RBFOX1: variants seen among roughly 807,000 people sequenced by gnomAD.
The protein encoded by RBFOX1 is RNA binding fox-1 homolog 1.
In RBFOX1, 8 loss-of-function variants were observed where a neutral mutation model predicts 57.7. The ratio of observed to expected loss-of-function variants is 0.14; its 90% CI spans 0.08 to 0.25. RBFOX1 has a LOEUF of 0.25. Ranked by LOEUF, RBFOX1 falls within the 10% of genes least tolerant of loss-of-function variation. RBFOX1 has a pLI of 1.00. For missense variants in RBFOX1, 611 were observed against 548.5 expected (o/e 1.11, Z -1.14); for synonymous variants, 326 against 222.4 (o/e 1.47, Z -4.15).
At chr16:7,328,410 G>C (rs1204785271) in intron 4 of RBFOX1, among the ~76,000 whole-genome samples, 1 of 148,332 alleles carries the variant, frequency 6.7e-6, no homozygotes, top group East Asian at 2.0e-4. Flanking sequence ...AATTCGGGTG[G>C]CAGAGGTTGC....
chr16:7,009,896 G>A (rs953393198), intron 3 of RBFOX1, among the ~76,000 whole-genome samples: 1 of 152,166 alleles, frequency 6.6e-6, no homozygotes. Flanking sequence ...CCGTTTAGCT[G>A]TGAACAAGTT....
chr16:6,891,291 G>T (rs1243068503), intron 3 of RBFOX1, among the ~76,000 whole-genome samples: 1 of 152,170 alleles, frequency 6.6e-6, no homozygotes, highest in African/African-American at 2.4e-5. Context: ...ACTTAGCAAG[G>T]TGGCAGTATT....
intron 3 of RBFOX1, among the ~76,000 whole-genome samples, chr16:6,888,498 G>C (rs1298804819): frequency 6.6e-6 from 1 of 151,998 alleles, no homozygotes; most frequent in Non-Finnish European, 1.5e-5. Context: ...AAATTCCCTT[G>C]CAATTGCACT....
chr16:7,141,014 C>T (rs931793510), intron 4 of RBFOX1, among the ~76,000 whole-genome samples: 1 of 152,150 alleles, frequency 6.6e-6, no homozygotes, highest in African/African-American at 2.4e-5. Flanking sequence ...AATGAAGCCT[C>T]CTCCAGCTTT....
At chr16:7,428,613 C>T (rs1296267760) in intron 4 of RBFOX1, among the ~76,000 whole-genome samples, 1 of 150,826 alleles carries the variant, frequency 6.6e-6, no homozygotes, top group Non-Finnish European at 1.5e-5. Flanking sequence ...TCAGGTGATC[C>T]ACCTGCCTTG....
chr16:6,850,013 A>T (rs1446244803), intron 3 of RBFOX1, among the ~76,000 whole-genome samples: 1 of 152,226 alleles, frequency 6.6e-6, no homozygotes, highest in Admixed American at 6.5e-5. Flanking sequence ...GTGACAAGTG[A>T]CATCTTTTTT....
chr16:5,468,618 A>T (rs368266125), intron 2 of RBFOX1, among the ~76,000 whole-genome samples: 2 of 152,258 alleles, frequency 1.3e-5, no homozygotes, highest in Admixed American at 1.3e-4. Context: ...TCACAGTGAC[A>T]TTATTCATGG....
At chr16:6,889,265 C>A (rs2064864572) in intron 3 of RBFOX1, among the ~76,000 whole-genome samples, 1 of 152,138 alleles carries the variant, frequency 6.6e-6, no homozygotes, top group South Asian at 2.1e-4. Flanking sequence ...CCCCGTTAGC[C>A]CCATGGCTTG....
chr16:5,529,268 T>A (rs970614209), intron 2 of RBFOX1, among the ~76,000 whole-genome samples: 3 of 152,148 alleles, frequency 2.0e-5, no homozygotes, highest in Non-Finnish European at 4.4e-5. Flanking sequence ...CCCAAATTCA[T>A]TTGTTAAAGT....
At chr16:7,122,243 A>T (rs1378379001) in intron 4 of RBFOX1, among the ~76,000 whole-genome samples, 1 of 152,178 alleles carries the variant, frequency 6.6e-6, no homozygotes, top group Non-Finnish European at 1.5e-5. Flanking sequence ...ATATTTGTAA[A>T]CCACTCTTGA....
At chr16:7,622,398 G>T (rs1054508297) in intron 10 of RBFOX1, among the ~76,000 whole-genome samples, 3 of 152,166 alleles carry the variant, frequency 2.0e-5, no homozygotes, top group African/African-American at 7.2e-5. Flanking sequence ...AACTCTTATT[G>T]TTAGGTTTAT....
At chr16:7,370,443 G>C (rs780732660) in intron 4 of RBFOX1, among the ~76,000 whole-genome samples, 9 of 152,176 alleles carry the variant, frequency 5.9e-5, no homozygotes, top group Non-Finnish European at 1.3e-4. Flanking sequence ...AGGAATCACT[G>C]TATTTGTCAA....
intron 5 of RBFOX1, among the ~76,000 whole-genome samples, chr16:7,529,151 C>T (rs949327081): frequency 6.6e-6 from 1 of 152,208 alleles, no homozygotes; most frequent in South Asian, 2.1e-4. Flanking sequence ...ATCCCCACTG[C>T]TCGGGAGGCT....
intron 3 of RBFOX1, among the ~76,000 whole-genome samples, chr16:6,788,268 C>A (rs1016711323): frequency 6.6e-6 from 1 of 151,920 alleles, no homozygotes; most frequent in Non-Finnish European, 1.5e-5. Flanking sequence ...CTGCATCATA[C>A]CTGTTCTGAT....
chr16:5,424,925 TTCTTTCTTTCTC>T (rs2067485140), intron 1 of RBFOX1, among the ~76,000 whole-genome samples: 1 of 102,820 alleles, frequency 9.7e-6, no homozygotes, highest in African/African-American at 3.6e-5. Context: ...CTTTCTTTCT[TTCTTTCTTTCTC>T]TCTCTTCTTT....
intron 4 of RBFOX1, among the ~76,000 whole-genome samples, chr16:7,156,441 A>T (rs1395205226): frequency 1.3e-5 from 2 of 152,222 alleles, no homozygotes; most frequent in African/African-American, 2.4e-5. Flanking sequence ...ACATGTAGAT[A>T]TGCATATATG....
intron 4 of RBFOX1, among the ~76,000 whole-genome samples, chr16:7,175,271 C>T (rs754392854): frequency 4.6e-5 from 7 of 152,042 alleles, no homozygotes; most frequent in African/African-American, 7.2e-5. Flanking sequence ...CATTTTTCAG[C>T]TCCCACTTAT....
chr16:7,457,075 C>T lies in RBFOX1; in HGVS notation c.28-61072C>T, dbSNP rs1167892748. Among the ~76,000 whole-genome samples, 8 of 151,938 alleles carry T rather than the reference C, an allele frequency of 5.3e-5. 1 individual carries two copies. The highest frequency in any genetic ancestry group is 2.0e-4 in the Admixed American group (3 of 15,242). On this transcript the variant is annotated intron_variant, in intron 4 of 15. Transcript: ENST00000550418. ...GCTAATTTTGTATTTTTAGTAGAGACGGGGTTTCTCCGTGTTGGTCAGGCT... is the reference window on the plus strand; with the variant it reads ...GCTAATTTTGTATTTTTAGTAGAGATGGGGTTTCTCCGTGTTGGTCAGGCT...
chr16:6,512,684 G>T (rs1044159895), intron 2 of RBFOX1, among the ~76,000 whole-genome samples: 2 of 152,168 alleles, frequency 1.3e-5, no homozygotes, highest in African/African-American at 4.8e-5. Context: ...GTCCCCACAT[G>T]CTATGAGGAC....
Sources: allele counts gnomAD v4.1 joint callset (sites outside exome capture counted in the v4.1 genomes callset), GRCh38; gene constraint gnomAD v4.1.1; transcripts MANE v1.5; gene names NCBI Gene and HGNC (gene_info 2026-07-23, HGNC 2026-07-21).